Variants in PAX7 observed in about 807,000 individuals in gnomAD.
PAX7 encodes paired box protein Pax-7.
PAX7 carries 18 observed loss-of-function variants against 50.7 expected under a neutral mutation model. The observed-to-expected ratio is 0.36, with a 90% CI of 0.25 to 0.53. PAX7 has a LOEUF of 0.53. PAX7 is among the 20% of genes least tolerant of loss of function. The probability of loss-of-function intolerance (pLI) is 0.93; values close to 1 mark genes in which losing one functional copy is unlikely to be tolerated. For missense variants in PAX7, 644 were observed against 702.9 expected (o/e 0.92, Z 0.95); for synonymous variants, 310 against 290.4 (o/e 1.07, Z -0.69).
Position 18,747,866 on chromosome 1 carries a change from A to G in PAX7, c.*2937A>G, listed in dbSNP as rs1374427020. The stretch of plus-strand genomic sequence containing the variant: ...ACAGTGTGTGTCGTGCTAGTGCCAG[A>G]GACCATCTGTAGGGATATATCTTCA... On this transcript the variant is annotated 3_prime_UTR_variant, in exon 9 of 9. Coordinates refer to ENST00000420770, the MANE Select transcript of PAX7 (RefSeq NM_001135254.2). The G allele has an allele frequency of 1.6e-5, 3 of 191,474 alleles. No homozygotes were observed. Among genetic ancestry groups the G allele is most frequent in the African/African-American group, 7.0e-5 (3 of 42,978 alleles). The allele number at this position is 191,474 out of a possible 1,614,324, so 11.9% of individuals were successfully genotyped here.
At chr1:18,639,808 G>T (rs182208645) in intron 4 of PAX7, among the ~76,000 whole-genome samples, 8 of 152,252 alleles carry the variant, frequency 5.3e-5, no homozygotes, top group African/African-American at 1.7e-4. Flanking sequence ...CACCAAAGCC[G>T]CATGCATCTG....
In PAX7 at chr1:18,746,776, A is replaced by T. The variant is rs541832698; in HGVS notation, c.*1847A>T. On this transcript the variant is annotated 3_prime_UTR_variant, in exon 9 of 9. Coordinates refer to ENST00000420770, the MANE Select transcript of PAX7 (RefSeq NM_001135254.2). ...GATTCTAGGACACTCACCTGCATGG[A>T]CATCACCTCTGTGACAAATGCTTAC... The T allele has an allele frequency of 4.3e-6, 1 of 232,102 alleles. No individual in the cohort carries two copies. The highest frequency in any genetic ancestry group is 5.6e-5 in the Admixed American group (1 of 17,762). 14.4% of individuals were successfully genotyped at this position (232,102 alleles called of 1,614,324 possible).
At chr1:18,713,915 A>G (rs2089385932) in intron 7 of PAX7, among the ~76,000 whole-genome samples, 2 of 152,206 alleles carry the variant, frequency 1.3e-5, no homozygotes, top group Admixed American at 1.3e-4. Context: ...CAGGGCTCAA[A>G]TGCTCACGTG....
intron 4 of PAX7, among the ~76,000 whole-genome samples, chr1:18,643,095 G>A (rs2088282242): frequency 6.6e-6 from 1 of 152,236 alleles, no homozygotes; most frequent in Non-Finnish European, 1.5e-5. Context: ...GTGAAGGGAA[G>A]TTGTGTGCGC....
At chr1:18,676,171 C>T (rs2088818808) in intron 4 of PAX7, among the ~76,000 whole-genome samples, 1 of 152,200 alleles carries the variant, frequency 6.6e-6, no homozygotes, top group Non-Finnish European at 1.5e-5. Context: ...CTGCCTTTCA[C>T]CAGCCTCCCC....
At chr1:18,656,439 G>A (rs1039099106) in intron 4 of PAX7, among the ~76,000 whole-genome samples, 2 of 152,090 alleles carry the variant, frequency 1.3e-5, no homozygotes, top group African/African-American at 4.8e-5. Context: ...GGCAGAGGTT[G>A]CAGCGAGCCG....
At chr1:18,707,218 T>A (rs1253248252) in intron 7 of PAX7, among the ~76,000 whole-genome samples, 1 of 152,058 alleles carries the variant, frequency 6.6e-6, no homozygotes, top group Non-Finnish European at 1.5e-5. Context: ...ACAAAAAATA[T>A]AATTTTAAAA....
At chr1:18,708,570 A>G (rs1181686519) in intron 7 of PAX7, among the ~76,000 whole-genome samples, 1 of 152,088 alleles carries the variant, frequency 6.6e-6, no homozygotes, top group Non-Finnish European at 1.5e-5. Flanking sequence ...TAATTAATTA[A>G]TTAAAAACAT....
chr1:18,632,568 T>C lies in PAX7; in HGVS notation c.85+880T>C, dbSNP rs1570095581. On this transcript the variant is annotated intron_variant, in intron 1 of 8. Transcript: ENST00000420770. The surrounding 1 kb of genome is among the most constrained non-coding windows in gnomAD (Gnocchi z 6.3). ...TAAACTAATGGAAGGCCTCAACCTG[T>C]CACTGAGGGATCATTTGGCTTCTGA... Among the ~76,000 whole-genome samples, 3 of 152,158 alleles carry C rather than the reference T, an allele frequency of 2.0e-5. No individual in the cohort carries two copies. In the East Asian group the frequency reaches 5.8e-4, roughly 29 times the overall value.
At chr1:18,682,266 C>A (rs968257891) in intron 4 of PAX7, among the ~76,000 whole-genome samples, 5 of 152,066 alleles carry the variant, frequency 3.3e-5, no homozygotes, top group African/African-American at 1.2e-4. Context: ...ATATTTGGAT[C>A]CTCACATTGC....
chr1:18,639,119 G>T (rs778576343), intron 4 of PAX7, among the ~76,000 whole-genome samples: 47 of 152,020 alleles, frequency 3.1e-4, no homozygotes, highest in Non-Finnish European at 6.5e-4. Context: ...TTTTCCTATC[G>T]TCCGCTTGGC....
intron 4 of PAX7, among the ~76,000 whole-genome samples, chr1:18,645,324 C>T (rs867109432): frequency 9.9e-5 from 15 of 152,260 alleles, no homozygotes; most frequent in Non-Finnish European, 1.3e-4. Flanking sequence ...CTTGCCTTCA[C>T]TGCACTCTTT....
At chr1:18,725,988 G>A (rs2089562811) in intron 7 of PAX7, among the ~76,000 whole-genome samples, 1 of 143,162 alleles carries the variant, frequency 7.0e-6, no homozygotes, top group Non-Finnish European at 1.5e-5. Flanking sequence ...GAGTGTGTGT[G>A]TGTGTGCGCG....
In PAX7 at chr1:18,696,954, C is replaced by T. The variant is rs1479637429; in HGVS notation, c.787-3699C>T. ...GGTAAATGCTTGAGGTGATGGATAC[C>T]CCATTTACCCCGATGTGATTATTAT... On this transcript the variant is annotated intron_variant, in intron 5 of 8. Transcript: ENST00000420770. Among the ~76,000 whole-genome samples, 5 of 152,014 alleles carry T rather than the reference C, an allele frequency of 3.3e-5. No individual in the cohort carries two copies. In the South Asian group the frequency reaches 8.3e-4, roughly 25 times the overall value.
intron 7 of PAX7, among the ~76,000 whole-genome samples, chr1:18,724,141 G>T (rs2089527166): frequency 6.6e-6 from 1 of 152,224 alleles, no homozygotes; most frequent in African/African-American, 2.4e-5. Flanking sequence ...GGCTCACCCG[G>T]CTCCTCTGCA....
intron 4 of PAX7, among the ~76,000 whole-genome samples, chr1:18,691,247 G>A (rs1410246681): frequency 2.0e-5 from 3 of 152,170 alleles, no homozygotes; most frequent in African/African-American, 7.2e-5. Context: ...CCAAAATGCT[G>A]GGATTACAGG....
Position 18,748,819 on chromosome 1 carries a change from C to T in PAX7, c.*3890C>T, listed in dbSNP as rs557770209. The T allele has an allele frequency of 4.7e-6, 1 of 213,676 alleles. No homozygotes were observed. The highest frequency in any genetic ancestry group is 2.3e-5 in the African/African-American group (1 of 44,228). 13.2% of individuals were successfully genotyped at this position (213,676 alleles called of 1,614,324 possible). A position where few individuals can be genotyped will look rare whatever the true frequency, so the allele number is the denominator to read the frequency against. On this transcript the variant is annotated 3_prime_UTR_variant, in exon 9 of 9. Transcript: ENST00000420770. ...ACTACCTGCTGCTTGTAAGCGCTTCCTCTGTAACTCAGGCGTAACTGTTAT... is the reference window on the plus strand; with the variant it reads ...ACTACCTGCTGCTTGTAAGCGCTTCTTCTGTAACTCAGGCGTAACTGTTAT...
chr1:18,702,011 G>A (rs1269106839), intron 6 of PAX7, among the ~76,000 whole-genome samples: 1 of 152,078 alleles, frequency 6.6e-6, no homozygotes, highest in Non-Finnish European at 1.5e-5. Context: ...CCCTGTCCCA[G>A]CACACACCAG....
chr1:18,710,462 A>G (rs930592400), intron 7 of PAX7, among the ~76,000 whole-genome samples: 5 of 152,050 alleles, frequency 3.3e-5, no homozygotes, highest in Non-Finnish European at 5.9e-5. Flanking sequence ...GTCTTGCTGG[A>G]CCAGGGACGA....
Sources: allele counts gnomAD v4.1 joint callset (sites outside exome capture counted in the v4.1 genomes callset), GRCh38; gene constraint gnomAD v4.1.1; non-coding constraint Gnocchi (gnomAD v3.1); transcripts MANE v1.5; gene names NCBI Gene and HGNC (gene_info 2026-07-23, HGNC 2026-07-21).